CCDC102B: variants seen among roughly 807,000 people sequenced by gnomAD.
CCDC102B encodes the protein coiled-coil domain containing 102B.
CCDC102B carries 75 observed loss-of-function variants against 57.4 expected under a neutral mutation model. That is an observed-to-expected ratio of 1.31 (90% confidence interval 1.08 to 1.58). The LOEUF is 1.58. CCDC102B is among the 40% of genes most tolerant of loss of function. The probability of loss-of-function intolerance (pLI) is 0.00; values close to 1 mark genes in which losing one functional copy is unlikely to be tolerated. For synonymous variants in CCDC102B, 206 were observed against 201.9 expected (o/e 1.02, Z -0.17); for missense variants, 636 against 582.6 (o/e 1.09, Z -0.94).
intron 6 of CCDC102B, among the ~76,000 whole-genome samples, chr18:68,910,146 C>A (rs2040788032): frequency 6.6e-6 from 1 of 152,048 alleles, no homozygotes; most frequent in South Asian, 2.1e-4. Context: ...TATAAAAATT[C>A]ACTGGGCACA....
At chr18:68,777,904 G>T (rs1231998462) in intron 2 of CCDC102B, among the ~76,000 whole-genome samples, 1 of 152,062 alleles carries the variant, frequency 6.6e-6, no homozygotes, top group Non-Finnish European at 1.5e-5. Context: ...AATTTTCTTC[G>T]ATTTTTAAAG....
chr18:68,761,693 A>C (rs2885459), intron 2 of CCDC102B, among the ~76,000 whole-genome samples: 1 of 151,928 alleles, frequency 6.6e-6, no homozygotes, highest in South Asian at 2.1e-4. Flanking sequence ...CCTTTAAACA[A>C]TACTTTGTGT....
At chr18:69,016,564 C>T (rs1320916969) in intron 7 of CCDC102B, among the ~76,000 whole-genome samples, 1 of 152,182 alleles carries the variant, frequency 6.6e-6, no homozygotes, top group East Asian at 1.9e-4. Context: ...AGTGTATGGG[C>T]TTCAAATGCC....
chr18:68,973,500 T>C (rs1019430418), intron 6 of CCDC102B, among the ~76,000 whole-genome samples: 3 of 152,124 alleles, frequency 2.0e-5, no homozygotes, highest in African/African-American at 7.2e-5. Flanking sequence ...AATAAATACG[T>C]AGCTTAGCAA....
At chr18:68,815,993 TTTTATC>T (rs1286397099) in intron 1 of CCDC102B, among the ~76,000 whole-genome samples, 14 of 152,324 alleles carry the variant, frequency 9.2e-5, no homozygotes, top group African/African-American at 2.6e-4. Context: ...TCATTCTTCG[TTTTATC>T]TTTAAGTGTT....
chr18:68,843,072 A>G (rs2037708596), intron 3 of CCDC102B, among the ~76,000 whole-genome samples: 1 of 152,146 alleles, frequency 6.6e-6, no homozygotes, highest in South Asian at 2.1e-4. Flanking sequence ...ATCTTTTCTA[A>G]TTAAATTAAC....
At chr18:68,885,120 G>A (rs982161704) in intron 5 of CCDC102B, among the ~76,000 whole-genome samples, 2 of 151,828 alleles carry the variant, frequency 1.3e-5, no homozygotes, top group African/African-American at 2.4e-5. Flanking sequence ...TACATAAAAT[G>A]TAACATGGAG....
At chr18:68,932,714 A>T (rs1012447145) in intron 6 of CCDC102B, among the ~76,000 whole-genome samples, 11 of 152,050 alleles carry the variant, frequency 7.2e-5, no homozygotes, top group African/African-American at 2.6e-4. Flanking sequence ...CAGTCAAGAG[A>T]CTTTGGTGTT....
intron 6 of CCDC102B, among the ~76,000 whole-genome samples, chr18:68,983,536 A>G (rs2050648632): frequency 6.6e-6 from 1 of 151,980 alleles, no homozygotes; most frequent in Admixed American, 6.6e-5. Flanking sequence ...GATAAAATAT[A>G]TTGGATTCTT....
intron 1 of CCDC102B, among the ~76,000 whole-genome samples, chr18:68,807,912 T>A (rs1462489179): frequency 6.6e-6 from 1 of 152,190 alleles, no homozygotes; most frequent in Non-Finnish European, 1.5e-5. Context: ...TATGTCTGAA[T>A]AAATTACTAA....
At chr18:68,956,341 T>TATATATATAAAATATATA (rs1160574950) in intron 6 of CCDC102B, among the ~76,000 whole-genome samples, 3,630 of 52,006 alleles carry the variant, frequency 0.07, 140 homozygotes, top group Non-Finnish European at 0.11. Context: ...TTATATATAA[T>TATATATATAAAATATATA]ATATATATTA....
At chr18:69,031,673 A>G (rs1434280742) in intron 7 of CCDC102B, among the ~76,000 whole-genome samples, 1 of 151,998 alleles carries the variant, frequency 6.6e-6, no homozygotes, top group East Asian at 1.9e-4. Context: ...CTCTTAATAA[A>G]ATTGCTATTT....
At chr18:68,761,551 T>C (rs1373050386) in intron 2 of CCDC102B, among the ~76,000 whole-genome samples, 1 of 151,586 alleles carries the variant, frequency 6.6e-6, no homozygotes, top group East Asian at 1.9e-4. Context: ...TTATTTTCTC[T>C]CTACACTTTT....
intron 6 of CCDC102B, among the ~76,000 whole-genome samples, chr18:68,995,998 A>G (rs1246173457): frequency 1.3e-5 from 2 of 152,196 alleles, no homozygotes; most frequent in Admixed American, 6.5e-5. Context: ...TGAGACATAG[A>G]GTCAAAGTTG....
intron 6 of CCDC102B, among the ~76,000 whole-genome samples, chr18:68,950,739 G>A (rs185896364): frequency 7.9e-5 from 12 of 152,148 alleles, no homozygotes; most frequent in African/African-American, 2.4e-4. Flanking sequence ...CTTTCAGCCT[G>A]TTTACTTTGG....
At chr18:68,964,476 G>T (rs1342143750) in intron 6 of CCDC102B, among the ~76,000 whole-genome samples, 1 of 150,826 alleles carries the variant, frequency 6.6e-6, no homozygotes, top group Admixed American at 6.6e-5. Flanking sequence ...TATTTACATG[G>T]CTGGCTTTTC....
At chr18:68,958,141 A>G (rs141885342) in intron 6 of CCDC102B, among the ~76,000 whole-genome samples, 3 of 152,238 alleles carry the variant, frequency 2.0e-5, no homozygotes, top group East Asian at 1.9e-4. Context: ...CTTATTCACT[A>G]TCATGAGAAC....
At chr18:68,897,565 T>C in intron 6 of CCDC102B, 137 bp downstream of exon 6, 1 of 1,574,464 alleles carries the variant, frequency 6.4e-7, no homozygotes, top group Non-Finnish European at 8.6e-7. Flanking sequence ...CTCCTTGCTC[T>C]TTTGCCCACT....
intron 1 of CCDC102B, among the ~76,000 whole-genome samples, chr18:68,824,697 G>C (rs184883644): frequency 6.6e-6 from 1 of 152,274 alleles, no homozygotes; most frequent in Non-Finnish European, 1.5e-5. Flanking sequence ...ATGTGCACAA[G>C]TTGTTATTTG....
Sources: gnomAD v4.1 joint callset for allele counts (sites outside exome capture counted in the v4.1 genomes callset) on GRCh38, gnomAD v4.1.1 for gene constraint, MANE v1.5 for transcripts, NCBI Gene and HGNC (gene_info 2026-07-23, HGNC 2026-07-21) for gene names.